Variants in LAMA3 observed in about 807,000 individuals in gnomAD.
The protein encoded by LAMA3 is laminin subunit alpha 3, also known as laminin subunit alpha-3.
LAMA3 carries 281 observed loss-of-function variants against 402.0 expected under a neutral mutation model. That is an observed-to-expected ratio of 0.70 (90% CI 0.63 to 0.77). The LOEUF is 0.77. Ranked by LOEUF, LAMA3 falls within the 30% of genes least tolerant of loss-of-function variation. LAMA3 has a pLI of 0.00. For synonymous variants in LAMA3, 1,431 were observed against 1,558.4 expected (o/e 0.92, Z 1.93); for missense variants, 3,840 against 4,215.5 (o/e 0.91, Z 2.47).
intron 8 of LAMA3, among the ~76,000 whole-genome samples, chr18:23,770,200 C>T (rs1047537797): frequency 2.0e-5 from 3 of 149,976 alleles, no homozygotes; most frequent in Admixed American, 6.6e-5. Context: ...ACAAAAACAT[C>T]AACAATAACC....
At chr18:23,707,412 T>C (rs2060910297) in intron 1 of LAMA3, among the ~76,000 whole-genome samples, 1 of 152,224 alleles carries the variant, frequency 6.6e-6, no homozygotes, top group Admixed American at 6.5e-5. Flanking sequence ...TGTCCCAGAA[T>C]GACACATCTG....
intron 3 of LAMA3, among the ~76,000 whole-genome samples, chr18:23,748,420 C>CAAA (rs749355061): frequency 1.1e-5 from 1 of 88,300 alleles, no homozygotes; most frequent in African/African-American, 3.9e-5. Context: ...GACTCTGTCT[C>CAAA]AAAAAAAAAA....
At position 23,904,424 on chromosome 18, in the gene LAMA3, TG is replaced by T. The variant is rs547082355; in HGVS notation, c.6474-128del. On this transcript the variant is annotated intron_variant, in intron 50 of 74. Transcript: ENST00000313654. ...ACTCTGCCATCTCTTTATTTTATTT[TG>T]TTTTTTTCCATTTCTTAAAAAAAAA... The T allele has an allele frequency of 4.8e-3, 5,357 of 1,120,386 alleles. 37 individuals are homozygous for T. Among genetic ancestry groups the T allele is most frequent in the Middle Eastern group, 0.012 (40 of 3,360 alleles). 69.4% of individuals were successfully genotyped at this position (1,120,386 alleles called of 1,614,324 possible). A position where few individuals can be genotyped will look rare whatever the true frequency, so the allele number is the denominator to read the frequency against.
chr18:23,761,793 C>T (rs1326092409), intron 7 of LAMA3, among the ~76,000 whole-genome samples: 2 of 151,926 alleles, frequency 1.3e-5, no homozygotes, highest in Non-Finnish European at 2.9e-5. Context: ...AGATTATATA[C>T]AAAAGTTTTT....
chr18:23,813,456 T>A (rs985873179), intron 14 of LAMA3, among the ~76,000 whole-genome samples: 2 of 151,974 alleles, frequency 1.3e-5, no homozygotes, highest in African/African-American at 4.8e-5. Flanking sequence ...TAAATAAAGT[T>A]GGCTGTGTAC....
At chr18:23,757,328 A>G (rs925926656) in intron 6 of LAMA3, among the ~76,000 whole-genome samples, 3 of 151,278 alleles carry the variant, frequency 2.0e-5, no homozygotes, top group Admixed American at 1.3e-4. Context: ...CCATCCTTCC[A>G]GATCCAGCAG....
At chr18:23,954,439 T>C in intron 74 of LAMA3, 64 bp from the exon 75 acceptor site, 1 of 1,008,444 alleles carries the variant, frequency 9.9e-7, no homozygotes, top group Non-Finnish European at 1.6e-6. Context: ...TCTTTTAAAA[T>C]CCAGGGAACA....
intron 11 of LAMA3, 110 bp downstream of exon 11, chr18:23,777,729 C>T (rs1247133812): frequency 1.2e-6 from 1 of 846,924 alleles, no homozygotes; most frequent in African/African-American, 1.7e-5. Context: ...CTTCCTAGAG[C>T]ATGGTAGGTG....
chr18:23,792,865 C>T lies in LAMA3; in HGVS notation c.1603+8708C>T, dbSNP rs369862963. 8.5e-4 allele frequency among the ~76,000 whole-genome samples: 129 copies of T among 152,218 alleles called. 3 individuals carry two copies. In the South Asian group the frequency reaches 0.026, roughly 30 times the overall value. The stretch of plus-strand genomic sequence containing the variant: ...TGCTCAGAGACATCAGGAGATCCCA[C>T]CCAAAGCAGCTGAAGTATTTGTCCA... On this transcript the variant is annotated intron_variant, in intron 12 of 74. Transcript: ENST00000313654.
chr18:23,850,579 C>T (rs2063921057), intron 32 of LAMA3, among the ~76,000 whole-genome samples: 1 of 152,200 alleles, frequency 6.6e-6, no homozygotes, highest in Non-Finnish European at 1.5e-5. Context: ...CTGATTGTAT[C>T]ACGGACTATA....
At chr18:23,761,005 G>A (rs1008553255) in intron 7 of LAMA3, among the ~76,000 whole-genome samples, 1 of 151,784 alleles carries the variant, frequency 6.6e-6, no homozygotes, top group Non-Finnish European at 1.5e-5. Flanking sequence ...GGGTGGGGGG[G>A]GCACAAGCGT....
chr18:23,854,603 T>C (rs769129003), intron 32 of LAMA3, among the ~76,000 whole-genome samples: 31 of 150,674 alleles, frequency 2.1e-4, no homozygotes, highest in Non-Finnish European at 4.3e-4. Context: ...ATTGCGCCAC[T>C]GCACTCCAGC....
intron 34 of LAMA3, among the ~76,000 whole-genome samples, chr18:23,859,175 A>G (rs554382411): frequency 6.6e-6 from 1 of 152,228 alleles, no homozygotes; most frequent in East Asian, 1.9e-4. Context: ...GATCTGGGAC[A>G]TAATAGATGC....
At chr18:23,917,248 A>G (rs2081664116) in intron 60 of LAMA3, among the ~76,000 whole-genome samples, 1 of 151,696 alleles carries the variant, frequency 6.6e-6, no homozygotes, top group Non-Finnish European at 1.5e-5. Context: ...TATGTACCTC[A>G]TTTTCTTTAT....
At position 23,948,232 on chromosome 18, in the gene LAMA3, A is replaced by G. The variant is rs540226505; in HGVS notation, c.9352-1533A>G. On this transcript the variant is annotated intron_variant, in intron 70 of 74. Transcript: ENST00000313654. ...GCATCTAACATCTGGGCCAAATAGT[A>G]GCACCCCATTTACAATACTCTTTAC... Among the ~76,000 whole-genome samples the G allele has an allele frequency of 5.9e-5, 9 of 152,324 alleles. No individual in the cohort carries two copies. In the South Asian group the frequency reaches 6.2e-4, roughly 11 times the overall value.
In LAMA3 at chr18:23,904,617, G is replaced by A. The variant is rs1409471487; in HGVS notation, c.6538G>A (p.Glu2180Lys). Reference sequence around the variant, plus strand: ...TGCTGTGGATGCCGCCACCGCCTACGAGAACATCCTCAATGCCATCAAAGC... The same window carrying A: ...TGCTGTGGATGCCGCCACCGCCTACAAGAACATCCTCAATGCCATCAAAGC... ...RCAVDAATAY[E>K]NILNAIKAAE... Residue 2180 changes from glutamate to lysine, a missense_variant, in exon 51 of 75, where the codon GAG (glutamate) becomes AAG (lysine). Physicochemically the swap from Glu to Lys is moderately conservative, Grantham distance 56. Coordinates refer to ENST00000313654, the MANE Select transcript of LAMA3 (RefSeq NM_198129.4). 10 of 1,613,554 alleles carry A rather than the reference G, an allele frequency of 6.2e-6. No individual in the cohort carries two copies. Among genetic ancestry groups the A allele is most frequent in the Non-Finnish European group, 8.5e-6 (10 of 1,179,884 alleles).
chr18:23,909,233 A>G lies in LAMA3; in HGVS notation c.7096A>G (p.Ile2366Val), dbSNP rs1210680530. ...CCAACAGCTGTTGCCCTTGGGAAAC[A>G]TCTCTGACAACATGGACAGAATACG... ...INQQLLPLGN[I>V]SDNMDRIREL... Residue 2366 changes from isoleucine to valine, a missense_variant, in exon 55 of 75, where the codon ATC becomes GTC. Ile to Val is a conservative substitution (Grantham distance 29, BLOSUM62 3). This residue lies in a region of LAMA3 where 891 missense variants were observed against 857.5 expected (regional missense o/e 1.04). Coordinates refer to ENST00000313654, the MANE Select transcript of LAMA3 (RefSeq NM_198129.4). The G allele has an allele frequency of 1.9e-6, 3 of 1,613,874 alleles. No homozygotes were observed. In the African/African-American group the frequency reaches 4.0e-5, roughly 22 times the overall value.
At chr18:23,714,358 A>G (rs966811463) in intron 2 of LAMA3, among the ~76,000 whole-genome samples, 4 of 152,066 alleles carry the variant, frequency 2.6e-5, no homozygotes, top group African/African-American at 9.7e-5. Context: ...CATCTCTACT[A>G]CAAATACAAA....
intron 23 of LAMA3, among the ~76,000 whole-genome samples, chr18:23,829,265 A>G (rs1486369212): frequency 6.6e-6 from 1 of 152,176 alleles, no homozygotes; most frequent in Non-Finnish European, 1.5e-5. Context: ...TCTTTCTCAG[A>G]CTATTCCATA....
Sources: allele counts gnomAD v4.1 joint callset (sites outside exome capture counted in the v4.1 genomes callset), GRCh38; gene constraint gnomAD v4.1.1; regional missense constraint gnomAD v4.1.1; transcripts MANE v1.5; gene names NCBI Gene and HGNC (gene_info 2026-07-23, HGNC 2026-07-21).